NTM: variants seen among roughly 807,000 people sequenced by gnomAD.
The protein encoded by NTM is IgLON family member 2.
A neutral mutation model predicts 42.1 loss-of-function variants in NTM; 13 were observed. The observed-to-expected ratio is 0.31, with a 90% CI of 0.20 to 0.49. The LOEUF (loss-of-function observed/expected upper bound fraction) is 0.49. Ranked by LOEUF, NTM falls within the 20% of genes least tolerant of loss-of-function variation. NTM has a pLI of 0.99. For missense variants in NTM, 373 were observed against 452.8 expected (o/e 0.82, Z 1.60); for synonymous variants, 187 against 179.2 (o/e 1.04, Z -0.35).
intron 1 of NTM, among the ~76,000 whole-genome samples, chr11:131,858,524 A>C (rs900320902): frequency 6.6e-6 from 1 of 152,210 alleles, no homozygotes; most frequent in African/African-American, 2.4e-5. Context: ...AATTGTCACC[A>C]TTCGTAGAAC....
At chr11:131,690,099 G>T (rs1478716127) in intron 1 of NTM, among the ~76,000 whole-genome samples, 2 of 152,062 alleles carry the variant, frequency 1.3e-5, no homozygotes, top group African/African-American at 4.8e-5. Context: ...CCCCTCACAC[G>T]TCTGTCCCTG....
intron 7 of NTM, among the ~76,000 whole-genome samples, chr11:132,328,254 C>T (rs60680679): frequency 0.03 from 4,589 of 152,132 alleles, 225 homozygotes; most frequent in African/African-American, 0.1. Flanking sequence ...CTCATTGTGG[C>T]GGGCTAGAAG....
At chr11:132,057,505 T>G (rs903760739) in intron 2 of NTM, among the ~76,000 whole-genome samples, 1 of 152,186 alleles carries the variant, frequency 6.6e-6, no homozygotes, top group Non-Finnish European at 1.5e-5. Flanking sequence ...ACTTGCAATT[T>G]TTCCTACTCC....
intron 2 of NTM, among the ~76,000 whole-genome samples, chr11:132,054,180 A>G (rs2079261997): frequency 6.6e-6 from 1 of 152,216 alleles, no homozygotes; most frequent in Non-Finnish European, 1.5e-5. Flanking sequence ...ATGCCACGGT[A>G]CTCCAGCCTG....
chr11:131,752,513 A>C (rs1316761410), intron 1 of NTM, among the ~76,000 whole-genome samples: 1 of 152,200 alleles, frequency 6.6e-6, no homozygotes. Context: ...TAGAAATACC[A>C]TTTGATTCAG....
chr11:131,702,180 A>G (rs950541278), intron 1 of NTM, among the ~76,000 whole-genome samples: 2 of 151,808 alleles, frequency 1.3e-5, no homozygotes, highest in African/African-American at 4.8e-5. Context: ...CTTCCATCTC[A>G]CTTTCACCAG....
In NTM at chr11:131,737,903, T is replaced by C. The variant is rs187108192; in HGVS notation, c.83-173661T>C. 6.6e-5 allele frequency among the ~76,000 whole-genome samples: 10 copies of C among 152,312 alleles called. No individual in the cohort carries two copies. In the East Asian group the frequency reaches 1.9e-3, roughly 29 times the overall value. ...TCCTTCCTTTGTCCTATTTGGTTTC[T>C]GAAGTTAAATGGTCTCTTTTTTGAT... is the stretch of plus-strand genomic sequence containing the variant. On this transcript the variant is annotated intron_variant, in intron 1 of 8. Transcript: ENST00000683400.
intron 3 of NTM, among the ~76,000 whole-genome samples, chr11:132,173,232 C>T (rs980480476): frequency 2.0e-5 from 3 of 152,212 alleles, no homozygotes; most frequent in Non-Finnish European, 4.4e-5. Flanking sequence ...CAGGGGCTGG[C>T]TATGTCCTCT....
intron 1 of NTM, among the ~76,000 whole-genome samples, chr11:131,444,184 A>G (rs1433027346): frequency 7.9e-6 from 1 of 127,206 alleles, no homozygotes; most frequent in Non-Finnish European, 1.6e-5. Flanking sequence ...GATGCTCAAC[A>G]GTGGCTAAAG....
At chr11:132,108,302 T>C (rs2062677964) in intron 2 of NTM, among the ~76,000 whole-genome samples, 1 of 152,220 alleles carries the variant, frequency 6.6e-6, no homozygotes. Context: ...CTCTTTGTTA[T>C]CTTGACTTTC....
intron 2 of NTM, among the ~76,000 whole-genome samples, chr11:132,006,935 G>C (rs912453461): frequency 3.3e-5 from 5 of 152,206 alleles, no homozygotes; most frequent in African/African-American, 4.8e-5. Flanking sequence ...GCCAATGAGA[G>C]GCAGCTACAA....
At chr11:131,530,405 G>T in intron 1 of NTM, among the ~76,000 whole-genome samples, 1 of 135,616 alleles carries the variant, frequency 7.4e-6, no homozygotes, top group Non-Finnish European at 1.5e-5. Flanking sequence ...AAGTCATCTA[G>T]TAAAGTTGAG....
intron 2 of NTM, among the ~76,000 whole-genome samples, chr11:132,118,587 A>C (rs1309559362): frequency 6.6e-6 from 1 of 152,196 alleles, no homozygotes; most frequent in East Asian, 1.9e-4. Context: ...GAGAAAGCTT[A>C]TCTGCTCTTA....
intron 1 of NTM, among the ~76,000 whole-genome samples, chr11:131,478,665 T>C (rs140737657): frequency 3.1e-4 from 47 of 152,256 alleles, no homozygotes; most frequent in African/African-American, 9.9e-4. Context: ...ACCACGGTGG[T>C]TATAATTGTT....
chr11:131,936,064 A>C (rs1442696495), intron 2 of NTM, among the ~76,000 whole-genome samples: 1 of 152,122 alleles, frequency 6.6e-6, no homozygotes, highest in Non-Finnish European at 1.5e-5. Flanking sequence ...ACTCCTAAGA[A>C]TATCAATATA....
At chr11:131,544,966 C>T (rs1436125237) in intron 1 of NTM, among the ~76,000 whole-genome samples, 1 of 152,184 alleles carries the variant, frequency 6.6e-6, no homozygotes, top group Non-Finnish European at 1.5e-5. Context: ...CCCTCTCAAT[C>T]TGTCATTATT....
At position 131,579,770 on chromosome 11, in the gene NTM, C is replaced by T. The variant is rs372948474; in HGVS notation, c.82+208882C>T. Among the ~76,000 whole-genome samples the T allele has an allele frequency of 4.6e-5, 7 of 152,160 alleles. No individual in the cohort carries two copies. The East Asian group carries it at 5.8e-4, about 13-fold the overall frequency. ...CACCTGGGGAAGGGCATACCTCCCACGGCTGGGAAAATGTGCTCAGGAGTA... is the reference window on the plus strand; with the variant it reads ...CACCTGGGGAAGGGCATACCTCCCATGGCTGGGAAAATGTGCTCAGGAGTA... On this transcript the variant is annotated intron_variant, in intron 1 of 8. Coordinates refer to ENST00000683400, the MANE Select transcript of NTM (RefSeq NM_001352005.2).
chr11:131,969,373 A>T (rs2063241992), intron 2 of NTM, among the ~76,000 whole-genome samples: 2 of 152,194 alleles, frequency 1.3e-5, no homozygotes, highest in South Asian at 4.1e-4. Context: ...CCTATGCTAG[A>T]ATCTACTCCA....
chr11:131,400,310 G>T (rs1944997166), intron 1 of NTM, among the ~76,000 whole-genome samples: 1 of 152,146 alleles, frequency 6.6e-6, no homozygotes, highest in Non-Finnish European at 1.5e-5. Context: ...TGAGGGCTCT[G>T]CTGGGGCTTT....
Sources: gnomAD v4.1 joint callset for allele counts (sites outside exome capture counted in the v4.1 genomes callset) on GRCh38, gnomAD v4.1.1 for gene constraint, MANE v1.5 for transcripts, NCBI Gene and HGNC (gene_info 2026-07-23, HGNC 2026-07-21) for gene names.